Variants in KIAA1217 observed in about 807,000 individuals in gnomAD.
KIAA1217 encodes the protein sickle tail protein homolog.
A neutral mutation model predicts 163.9 loss-of-function variants in KIAA1217; 88 were observed. The observed-to-expected ratio is 0.54, with a 90% CI of 0.45 to 0.64. The LOEUF is 0.64. Ranked by LOEUF, KIAA1217 falls within the 30% of genes least tolerant of loss-of-function variation. The probability of loss-of-function intolerance (pLI) is 0.00; values close to 1 mark genes in which losing one functional copy is unlikely to be tolerated. For missense variants in KIAA1217, 2,372 were observed against 2,475.0 expected, an observed-to-expected ratio of 0.96 and a Z score of 0.88; for synonymous variants, 903 against 923.1, an observed-to-expected ratio of 0.98 and a Z score of 0.39.
At chr10:23,740,233 T>C (rs573834534) in intron 1 of KIAA1217, among the ~76,000 whole-genome samples, 2 of 152,320 alleles carry the variant, frequency 1.3e-5, no homozygotes, top group African/African-American at 4.8e-5. Context: ...GAAATAGATA[T>C]GTTGGCATTT....
At position 23,770,633 on chromosome 10, in the gene KIAA1217, T is replaced by C. The variant is rs78933047; in HGVS notation, c.-321+75399T>C. ...CTAAAAAGTTAGTGTCCAGTGGTTTTTCTGAGAGAGTGATCATCATTTTCC... is the reference window on the plus strand; with the variant it reads ...CTAAAAAGTTAGTGTCCAGTGGTTTCTCTGAGAGAGTGATCATCATTTTCC... On this transcript the variant is annotated intron_variant, in intron 1 of 18. Transcript: ENST00000376462. Among the ~76,000 whole-genome samples the C allele has an allele frequency of 4.3e-3, 662 of 152,318 alleles. 4 individuals are homozygous for C. Among genetic ancestry groups the C allele is most frequent in the African/African-American group, 0.014 (582 of 41,566 alleles).
At chr10:23,928,231 G>A (rs1843110565) in intron 1 of KIAA1217, among the ~76,000 whole-genome samples, 1 of 152,178 alleles carries the variant, frequency 6.6e-6, no homozygotes, top group African/African-American at 2.4e-5. Context: ...TTTAGGCTTG[G>A]TAGGGCCACG....
intron 1 of KIAA1217, among the ~76,000 whole-genome samples, chr10:23,950,258 G>A (rs17493310): frequency 0.2 from 30,293 of 152,082 alleles, 3,296 homozygotes; most frequent in Middle Eastern, 0.27. Flanking sequence ...TTTGGTAATC[G>A]TTACATTGAA....
intron 13 of KIAA1217, among the ~76,000 whole-genome samples, chr10:24,527,684 G>A (rs769033381): frequency 1.3e-5 from 2 of 152,010 alleles, no homozygotes; most frequent in African/African-American, 2.4e-5. Flanking sequence ...CATCTTGGTA[G>A]TAGAAAAAAT....
intron 1 of KIAA1217, among the ~76,000 whole-genome samples, chr10:23,747,720 A>G (rs12246909): frequency 0.28 from 43,230 of 152,114 alleles, 6,977 homozygotes; most frequent in African/African-American, 0.44. Context: ...GTCAGAAGTG[A>G]GTTCCTTCAG....
At chr10:24,390,364 G>A (rs1454735506) in intron 3 of KIAA1217, among the ~76,000 whole-genome samples, 2 of 150,746 alleles carry the variant, frequency 1.3e-5, no homozygotes, top group Admixed American at 1.3e-4. Context: ...GATCTCATTT[G>A]AAAAATGAGC....
intron 1 of KIAA1217, among the ~76,000 whole-genome samples, chr10:23,915,514 A>G (rs370076313): frequency 2.0e-5 from 3 of 152,314 alleles, no homozygotes; most frequent in East Asian, 1.9e-4. Flanking sequence ...TTTAGTTCAC[A>G]GTATTCTACC....
Position 24,256,722 on chromosome 10 carries a change from T to G in KIAA1217, c.354+36813T>G, listed in dbSNP as rs144072266. ...TGTGTGTCTGTCTGCTTTGCCTTAT[T>G]TTGGTTCTGACCATACCACTGCTAT... On this transcript the variant is annotated intron_variant, in intron 2 of 20. Coordinates refer to ENST00000376454, the MANE Select transcript of KIAA1217 (RefSeq NM_019590.5). Among the ~76,000 whole-genome samples, 713 of 152,336 alleles carry G rather than the reference T, an allele frequency of 4.7e-3. 5 individuals are homozygous for G. Among genetic ancestry groups the G allele is most frequent in the Middle Eastern group, 0.041 (12 of 294 alleles).
chr10:23,850,839 C>T (rs1019938989), intron 1 of KIAA1217, among the ~76,000 whole-genome samples: 1 of 151,862 alleles, frequency 6.6e-6, no homozygotes, highest in African/African-American at 2.4e-5. Context: ...GGGAAGCAGG[C>T]ACATCTTAAA....
chr10:24,219,683 C>T lies in KIAA1217; in HGVS notation c.128C>T (p.Thr43Ile), dbSNP rs2069320681. 1 of 1,613,504 alleles carries T rather than the reference C, an allele frequency of 6.2e-7. No individual in the cohort carries two copies. Among genetic ancestry groups the T allele is most frequent in the African/African-American group, 1.3e-5 (1 of 74,890 alleles). The change falls in exon 2 of 21, where the codon ACC (threonine) becomes ATC (isoleucine). Residue 43 changes from threonine (T) to isoleucine (I), a missense_variant. Physicochemically the swap from Thr to Ile is moderately conservative, Grantham distance 89. Around this residue, in one of 3 missense-constraint regions of KIAA1217, gnomAD observed 1,431 missense variants for 1,470.3 expected, o/e 0.97. Transcript: ENST00000376454. ...CCAGAAGATGCAGAATGCCGCAGAA[C>T]CAAGGAACGCCTTTCTAATGGAAAC... ...TSPEDAECRR[T>I]KERLSNGNSR...
At chr10:24,119,707 C>T (rs1471619620) in intron 2 of KIAA1217, among the ~76,000 whole-genome samples, 1 of 152,190 alleles carries the variant, frequency 6.6e-6, no homozygotes, top group Non-Finnish European at 1.5e-5. Flanking sequence ...CCACCCATCC[C>T]TCTACCCTCT....
intron 1 of KIAA1217, among the ~76,000 whole-genome samples, chr10:23,722,698 ACT>A (rs1407742612): frequency 1.3e-5 from 2 of 152,164 alleles, no homozygotes; most frequent in African/African-American, 4.8e-5. Context: ...TGGTGAGGAA[ACT>A]CTTACCAATG....
intron 1 of KIAA1217, among the ~76,000 whole-genome samples, chr10:23,981,586 A>G (rs189201090): frequency 1.3e-5 from 2 of 152,308 alleles, no homozygotes; most frequent in East Asian, 3.9e-4. Flanking sequence ...TATTTTCTGT[A>G]AGGATTACAA....
At chr10:24,106,210 G>A (rs148269057) in intron 2 of KIAA1217, among the ~76,000 whole-genome samples, 3 of 152,224 alleles carry the variant, frequency 2.0e-5, no homozygotes, top group African/African-American at 7.2e-5. Flanking sequence ...CTGATGCTTG[G>A]CTGGGACGAT....
At chr10:24,343,878 T>A (rs1029757196) in intron 2 of KIAA1217, among the ~76,000 whole-genome samples, 1 of 152,234 alleles carries the variant, frequency 6.6e-6, no homozygotes, top group Non-Finnish European at 1.5e-5. Flanking sequence ...AATGCCACTT[T>A]GTGAGATCCA....
chr10:23,762,181 A>G (rs973431350), intron 1 of KIAA1217, among the ~76,000 whole-genome samples: 4 of 152,180 alleles, frequency 2.6e-5, no homozygotes, highest in Admixed American at 2.0e-4. Flanking sequence ...GCTGAATTCT[A>G]CCAGAAATAC....
intron 1 of KIAA1217, among the ~76,000 whole-genome samples, chr10:23,789,442 C>T (rs1361964037): frequency 6.6e-6 from 1 of 152,106 alleles, no homozygotes; most frequent in African/African-American, 2.4e-5. Context: ...TACCTTAGTG[C>T]AGCCTTATAC....
intron 1 of KIAA1217, among the ~76,000 whole-genome samples, chr10:23,906,255 C>T (rs1842158963): frequency 3.5e-5 from 3 of 85,592 alleles, no homozygotes; most frequent in African/African-American, 1.3e-4. Flanking sequence ...CCATAGGAAG[C>T]ACACACACAC....
chr10:23,714,538 C>T (rs1326422713), intron 1 of KIAA1217, among the ~76,000 whole-genome samples: 1 of 152,118 alleles, frequency 6.6e-6, no homozygotes, highest in South Asian at 2.1e-4. Flanking sequence ...TATGCTGCCT[C>T]AAGATTCCTG....
Sources: allele counts gnomAD v4.1 joint callset (sites outside exome capture counted in the v4.1 genomes callset), GRCh38; gene constraint gnomAD v4.1.1; regional missense constraint gnomAD v4.1.1; transcripts MANE v1.5; gene names NCBI Gene and HGNC (gene_info 2026-07-23, HGNC 2026-07-21).